DCAF12L2: variants seen among roughly 807,000 people sequenced by gnomAD.
DCAF12L2 encodes DDB1 and CUL4 associated factor 12 like 2.
A neutral mutation model predicts 20.2 loss-of-function variants in DCAF12L2; 16 were observed. The ratio of observed to expected loss-of-function variants is 0.79; its 90% confidence interval spans 0.54 to 1.20. DCAF12L2 has a LOEUF of 1.20. Ranked by LOEUF, DCAF12L2 falls within the 50% of genes most tolerant of loss-of-function variation. The pLI is 0.00. For missense variants in DCAF12L2, 355 were observed against 404.8 expected (o/e 0.88, Z 1.06); for synonymous variants, 195 against 190.0 (o/e 1.03, Z -0.22).
In DCAF12L2 at chrX:126,164,915, C is replaced by T. The variant is rs1927785717; in HGVS notation, c.1010G>A (p.Arg337His). 4.1e-6 allele frequency: 5 copies of T among 1,211,142 alleles called. No homozygotes were observed. Among genetic ancestry groups the T allele is most frequent in the African/African-American group, 3.5e-5 (2 of 57,619 alleles). The stretch of plus-strand genomic sequence containing the variant: ...GCACAGGGGCCGGATGTTCTGCTGG[C>T]GCTGGCGCGGATCCAGGAAGGAGAC... ...SHVSFLDPRQ[R>H]QQNIRPLCSR... Residue 337 changes from arginine to histidine, a missense_variant, in exon 1 of 1, where the codon CGC becomes CAC. Arg to His is a conservative substitution (Grantham distance 29, BLOSUM62 0). Coordinates refer to ENST00000360028, the MANE Select transcript of DCAF12L2 (RefSeq NM_001013628.3).
Position 126,165,835 on chromosome X carries a change from C to T in DCAF12L2, c.90G>A (p.Ala30=). The T allele has an allele frequency of 8.3e-7, 1 of 1,207,624 alleles. No homozygotes were observed. Among genetic ancestry groups the T allele is most frequent in the Non-Finnish European group, 1.1e-6 (1 of 894,918 alleles). The change falls in exon 1 of 1, where the codon GCG becomes GCA. Residue 30 remains alanine, a synonymous_variant. Coordinates refer to ENST00000360028, the MANE Select transcript of DCAF12L2 (RefSeq NM_001013628.3). ...AGSSSSQGLA[A]ADGEGPLLPK... is the part of the protein sequence containing the mutation. ...GTAGCAGAGGCCCCTCTCCGTCCGC[C>T]GCCGCTAAACCCTGCGACGACGAGC...
Position 126,165,146 on chromosome X carries a change from G to C in DCAF12L2, c.779C>G (p.Pro260Arg), listed in dbSNP as rs367888562. ...VEAIPRASTN[P>R]SNRKVRALAF... Reference sequence around the variant, plus strand: ...CAGGGCCCGTACCTTGCGGTTGCTGGGGTTGGTGCTGGCCCTGGGGATGGC... The same window carrying C: ...CAGGGCCCGTACCTTGCGGTTGCTGCGGTTGGTGCTGGCCCTGGGGATGGC... Residue 260 changes from proline (P) to arginine (R), a missense_variant, in exon 1 of 1, where the codon CCC becomes CGC. Coordinates refer to ENST00000360028, the MANE Select transcript of DCAF12L2 (RefSeq NM_001013628.3). 12 of 1,211,162 alleles carry C rather than the reference G, an allele frequency of 9.9e-6. No individual in the cohort carries two copies. In the African/African-American group the frequency reaches 2.1e-4, roughly 21 times the overall value.
Position 126,165,956 on chromosome X carries a change from GCGGCGGCGGCGGCGGCGGCGGCGGCC to G in DCAF12L2, c.-58_-33del. ...CGGCGGGCGATCTGCAGCAGCGGCG[GCGGCGGCGGCGGCGGCGGCGGCGGCC>G]CGGCGGCGGTGGCGGCGCGTGGCAC... is the stretch of plus-strand genomic sequence containing the variant. On this transcript the variant is annotated 5_prime_UTR_variant, in exon 1 of 1. Coordinates refer to ENST00000360028, the MANE Select transcript of DCAF12L2 (RefSeq NM_001013628.3). 1 of 846,813 alleles carries G rather than the reference GCGGCGGCGGCGGCGGCGGCGGCGGCC, an allele frequency of 1.2e-6. No homozygotes were observed. 69.8% of individuals were successfully genotyped at this position (846,813 alleles called of 1,213,427 possible). A position where few individuals can be genotyped will look rare whatever the true frequency, so the allele number is the denominator to read the frequency against.
chrX:126,165,513 C>T lies in DCAF12L2; in HGVS notation c.412G>A (p.Asp138Asn), dbSNP rs181804861. The T allele has an allele frequency of 6.6e-6, 8 of 1,211,404 alleles. No homozygotes were observed. Among genetic ancestry groups the T allele is most frequent in the Non-Finnish European group, 8.9e-6 (8 of 895,407 alleles). The change falls in exon 1 of 1, where the codon GAC becomes AAC. Residue 138 changes from aspartate (D) to asparagine (N), a missense_variant. By Grantham distance (23) the Asp-to-Asn change is conservative. Coordinates refer to ENST00000360028, the MANE Select transcript of DCAF12L2 (RefSeq NM_001013628.3). ...GHITRIPLMR[D>N]KEAGLAQAHQ... ...GCCTGGGCCAGCCCGGCCTCCTTGT[C>T]CCGCATGAGGGGGATGCGCGTGATG...
rs1927763384 is a variant in DCAF12L2 at position 126,164,058 on chromosome X, A to T, written c.*475T>A. 1 of 115,138 alleles carries T rather than the reference A, an allele frequency of 8.7e-6. No individual in the cohort carries two copies. Among genetic ancestry groups the T allele is most frequent in the Non-Finnish European group, 1.8e-5 (1 of 55,664 alleles). The allele number at this position is 115,138 out of a possible 1,213,427, so 9.5% of individuals were successfully genotyped here. A position where few individuals can be genotyped will look rare whatever the true frequency, so the allele number is the denominator to read the frequency against. On this transcript the variant is annotated 3_prime_UTR_variant, in exon 1 of 1. Transcript: ENST00000360028. ...CTATAAATGATGGGTAGTTCCTCAA[A>T]ACAACCCCAAAGATGCTTTGTAGCT...
In DCAF12L2 at chrX:126,165,575, C is replaced by T; in HGVS notation, c.350G>A (p.Cys117Tyr). The T allele has an allele frequency of 8.2e-7, 1 of 1,212,288 alleles. No homozygotes were observed. The highest frequency in any genetic ancestry group is 1.1e-6 in the Non-Finnish European group (1 of 895,545). ...NARQVVCGTK[C>Y]NTLFVVDVQS... is the part of the protein sequence containing the mutation. ...CACGTCCACCACAAACAGCGTATTA[C>T]ACTTGGTGCCGCACACCACCTGCCT... Residue 117 changes from cysteine (C) to tyrosine (Y), a missense_variant, in exon 1 of 1, where the codon TGT becomes TAT. Coordinates refer to ENST00000360028, the MANE Select transcript of DCAF12L2 (RefSeq NM_001013628.3).
rs1260393700 is a variant in DCAF12L2 at position 126,165,907 on chromosome X, T to G, written c.18A>C (p.Thr6=). Residue 6 remains threonine, a synonymous_variant, in exon 1 of 1, where the codon ACA becomes ACC. Transcript: ENST00000360028. ...CGGGCGCTTTCCGTTTCCTGCTACCTGTTTGCTGCTGGGCCATGGTGGGCG... is the reference window on the plus strand; with the variant it reads ...CGGGCGCTTTCCGTTTCCTGCTACCGGTTTGCTGCTGGGCCATGGTGGGCG... MAQQQ[T]GSRKRKAPAV... The G allele has an allele frequency of 1.7e-6, 2 of 1,201,297 alleles. No individual in the cohort carries two copies. The highest frequency in any genetic ancestry group is 3.5e-5 in the South Asian group (2 of 56,749).
At position 126,166,002 on chromosome X, in the gene DCAF12L2, T is replaced by A. The variant is rs1230646694; in HGVS notation, c.-78A>T. The A allele has an allele frequency of 6.6e-6, 5 of 757,427 alleles. No homozygotes were observed. Among genetic ancestry groups the A allele is most frequent in the Non-Finnish European group, 7.8e-6 (5 of 645,017 alleles). 62.4% of individuals were successfully genotyped at this position (757,427 alleles called of 1,213,427 possible). ...GCGGCCCGGCGGCGGTGGCGGCGCG[T>A]GGCACCCGTGTTGGCCGTGGCGGCG... On this transcript the variant is annotated 5_prime_UTR_variant, in exon 1 of 1. Transcript: ENST00000360028.
rs1927813885 is a variant in DCAF12L2 at position 126,165,535 on chromosome X, G to A, written c.390C>T (p.Ile130=). The A allele has an allele frequency of 8.2e-7, 1 of 1,212,433 alleles. No homozygotes were observed. Among genetic ancestry groups the A allele is most frequent in the East Asian group, 3.0e-5 (1 of 33,825 alleles). The part of the protein sequence containing the change: ...LFVVDVQSGH[I]TRIPLMRDKE... ...TGTCCCGCATGAGGGGGATGCGCGT[G>A]ATGTGGCCTGACTGCACGTCCACCA... Residue 130 remains isoleucine (I), a synonymous_variant, in exon 1 of 1, where the codon ATC becomes ATT. Transcript: ENST00000360028.
Position 126,164,654 on chromosome X carries a change from A to G in DCAF12L2, c.1271T>C (p.Met424Thr). ...GTAGAGCGCATTGGGGAACTCTCCC[A>G]TGCCACCAAAGTAGTTCACCCAGAC... ...DDVWVNYFGGMGEFPNALYTH... is the reference protein window; with the variant it reads ...DDVWVNYFGGTGEFPNALYTH... The change falls in exon 1 of 1, where the codon ATG (methionine) becomes ACG (threonine). Residue 424 changes from methionine (M) to threonine (T), a missense_variant. Coordinates refer to ENST00000360028, the MANE Select transcript of DCAF12L2 (RefSeq NM_001013628.3). 1 of 1,210,531 alleles carries G rather than the reference A, an allele frequency of 8.3e-7. No individual in the cohort carries two copies. Among genetic ancestry groups the G allele is most frequent in the Non-Finnish European group, 1.1e-6 (1 of 894,952 alleles).
At position 126,164,774 on chromosome X, in the gene DCAF12L2, T is replaced by C; in HGVS notation, c.1151A>G (p.Glu384Gly). The part of the protein sequence containing the change: ...FYDIRAQKFL[E>G]ERASSSLDSM... ...GTCCAGGCTGGAAGAGGCCCTCTCCTCCAGGAACTTCTGGGCGCGGATGTC... is the reference window on the plus strand; with the variant it reads ...GTCCAGGCTGGAAGAGGCCCTCTCCCCCAGGAACTTCTGGGCGCGGATGTC... The change falls in exon 1 of 1, where the codon GAG becomes GGG. Residue 384 changes from glutamate (E) to glycine (G), a missense_variant. Physicochemically the swap from Glu to Gly is moderately conservative, Grantham distance 98. Coordinates refer to ENST00000360028, the MANE Select transcript of DCAF12L2 (RefSeq NM_001013628.3). The C allele has an allele frequency of 8.2e-7, 1 of 1,212,190 alleles. No individual in the cohort carries two copies. Among genetic ancestry groups the C allele is most frequent in the Non-Finnish European group, 1.1e-6 (1 of 895,533 alleles).
At position 126,165,766 on chromosome X, in the gene DCAF12L2, G is replaced by C; in HGVS notation, c.159C>G (p.His53Gln). The C allele has an allele frequency of 8.3e-7, 1 of 1,209,672 alleles. No homozygotes were observed. The highest frequency in any genetic ancestry group is 1.1e-6 in the Non-Finnish European group (1 of 895,103). Residue 53 changes from histidine (H) to glutamine (Q), a missense_variant, in exon 1 of 1, where the codon CAC (histidine) becomes CAG (glutamine). By Grantham distance (24) the His-to-Gln change is conservative. Transcript: ENST00000360028. The part of the protein sequence containing the change: ...KRPATRRRLV[H>Q]YLKGREVGAR... The stretch of plus-strand genomic sequence containing the variant: ...CTCCTACCTCCCGGCCCTTCAGATA[G>C]TGCACCAGCCTGCGACGCGTCGCCG...
At position 126,164,031 on chromosome X, in the gene DCAF12L2, G is replaced by A. The variant is rs1273512709; in HGVS notation, c.*502C>T. ...GAACTGCATTTTGTAATTAGAGTAA[G>A]GCTATAAATGATGGGTAGTTCCTCA... On this transcript the variant is annotated 3_prime_UTR_variant, in exon 1 of 1. Coordinates refer to ENST00000360028, the MANE Select transcript of DCAF12L2 (RefSeq NM_001013628.3). The A allele has an allele frequency of 8.7e-6, 1 of 114,320 alleles. No homozygotes were observed. Among genetic ancestry groups the A allele is most frequent in the Non-Finnish European group, 1.8e-5 (1 of 55,022 alleles). 9.4% of individuals were successfully genotyped at this position (114,320 alleles called of 1,213,427 possible). A position where few individuals can be genotyped will look rare whatever the true frequency, so the allele number is the denominator to read the frequency against.
rs12014937 is a variant in DCAF12L2 at position 126,165,205 on chromosome X, T to G, written c.720A>C (p.Pro240=). The G allele has an allele frequency of 0.34, 406,201 of 1,209,188 alleles. 52,095 individuals carry two copies. The highest frequency in any genetic ancestry group is 0.73 in the African/African-American group (41,639 of 57,106). The change falls in exon 1 of 1, where the codon CCA becomes CCC. Residue 240 remains proline (P), a synonymous_variant. Transcript: ENST00000360028. ...CCCTCGGACGGATGTGGGCATATAC[T>G]GGGAGACCCACCTCGCTGTGCCAGG... ...SIAWHSEVGL[P]VYAHIRPRDV...
chrX:126,165,996 G>T lies in DCAF12L2; in HGVS notation c.-72C>A. 2 of 769,549 alleles carry T rather than the reference G, an allele frequency of 2.6e-6. 1 individual carries two copies. The highest frequency in any genetic ancestry group is 3.1e-6 in the Non-Finnish European group (2 of 651,500). The allele number at this position is 769,549 out of a possible 1,213,427, so 63.4% of individuals were successfully genotyped here. On this transcript the variant is annotated 5_prime_UTR_variant, in exon 1 of 1. Coordinates refer to ENST00000360028, the MANE Select transcript of DCAF12L2 (RefSeq NM_001013628.3). ...GCGGCGGCGGCCCGGCGGCGGTGGC[G>T]GCGCGTGGCACCCGTGTTGGCCGTG...
In DCAF12L2 at chrX:126,165,049, C is replaced by T; in HGVS notation, c.876G>A (p.Arg292=). ...LDGYFHLWKA[R]STLSRLLSIR... Reference sequence around the variant, plus strand: ...TGGACAGGAGCCTGGATAGTGTGCTCCGGGCTTTCCACAGGTGGAAGTAGC... The same window carrying T: ...TGGACAGGAGCCTGGATAGTGTGCTTCGGGCTTTCCACAGGTGGAAGTAGC... The change falls in exon 1 of 1, where the codon CGG becomes CGA. Residue 292 remains arginine (R), a synonymous_variant. Coordinates refer to ENST00000360028, the MANE Select transcript of DCAF12L2 (RefSeq NM_001013628.3). 1 of 1,212,059 alleles carries T rather than the reference C, an allele frequency of 8.3e-7. No individual in the cohort carries two copies.
rs1317195692 is a variant in DCAF12L2 at position 126,164,029 on chromosome X, A to G, written c.*504T>C. 8.8e-6 allele frequency: 1 copy of G among 113,887 alleles called. No individual in the cohort carries two copies. Among genetic ancestry groups the G allele is most frequent in the Non-Finnish European group, 1.8e-5 (1 of 54,656 alleles). The allele number at this position is 113,887 out of a possible 1,213,427, so 9.4% of individuals were successfully genotyped here. On this transcript the variant is annotated 3_prime_UTR_variant, in exon 1 of 1. Coordinates refer to ENST00000360028, the MANE Select transcript of DCAF12L2 (RefSeq NM_001013628.3). The stretch of plus-strand genomic sequence containing the variant: ...CTGAACTGCATTTTGTAATTAGAGT[A>G]AGGCTATAAATGATGGGTAGTTCCT...
Position 126,165,330 on chromosome X carries a change from C to A in DCAF12L2, c.595G>T (p.Ala199Ser), listed in dbSNP as rs1338664181. The change falls in exon 1 of 1, where the codon GCA becomes TCA. Residue 199 changes from alanine (A) to serine (S), a missense_variant. Coordinates refer to ENST00000360028, the MANE Select transcript of DCAF12L2 (RefSeq NM_001013628.3). ...DRHGHKDWIF[A>S]VAWLSDTVAV... The stretch of plus-strand genomic sequence containing the variant: ...ACGGTGTCACTCAGCCAGGCGACTG[C>A]GAAGATCCAGTCCTTGTGGCCATGG... 1.7e-6 allele frequency: 2 copies of A among 1,211,497 alleles called. No individual in the cohort carries two copies. The highest frequency in any genetic ancestry group is 3.5e-5 in the African/African-American group (2 of 57,683).
Position 126,164,421 on chromosome X carries a change from A to G in DCAF12L2, c.*112T>C. On this transcript the variant is annotated 3_prime_UTR_variant, in exon 1 of 1. Transcript: ENST00000360028. ...AGCACACGTAAGTTGGACTGGTTCC[A>G]CCTGGAAGACAAAAGCCACACAAAG... 3.0e-6 allele frequency: 3 copies of G among 1,000,194 alleles called. No individual in the cohort carries two copies. Among genetic ancestry groups the G allele is most frequent in the South Asian group, 4.9e-5 (2 of 41,060 alleles). The allele number at this position is 1,000,194 out of a possible 1,213,427, so 82.4% of individuals were successfully genotyped here.
Sources: gnomAD v4.1 joint callset for allele counts on GRCh38, gnomAD v4.1.1 for gene constraint, MANE v1.5 for transcripts, NCBI Gene and HGNC (gene_info 2026-07-23, HGNC 2026-07-21) for gene names.